The following GPR176 variants were observed in gnomAD, a reference collection of about 807,000 sequenced individuals.
GPR176 encodes G protein-coupled receptor 176.
A neutral mutation model predicts 35.4 loss-of-function variants in GPR176; 26 were observed. The observed-to-expected ratio is 0.74, with a 90% confidence interval of 0.54 to 1.02. The LOEUF (loss-of-function observed/expected upper bound fraction) is 1.02. Ranked by LOEUF, GPR176 falls within the 50% of genes least tolerant of loss-of-function variation. The pLI is 0.00. For synonymous variants in GPR176, 278 were observed against 271.3 expected, an observed-to-expected ratio of 1.02 and a Z score of -0.24; for missense variants, 597 against 665.3, an observed-to-expected ratio of 0.90 and a Z score of 1.13.
chr15:39,915,379 C>G (rs936259556), intron 1 of GPR176, among the ~76,000 whole-genome samples: 18 of 152,182 alleles, frequency 1.2e-4, no homozygotes, highest in Non-Finnish European at 2.1e-4. Context: ...ACTCTATCCT[C>G]ATGACCTCAT....
At chr15:39,807,393 A>C (rs1196102410) in intron 1 of GPR176, 135 bp from the exon 2 acceptor site, 2 of 723,512 alleles carry the variant, frequency 2.8e-6, no homozygotes, top group African/African-American at 3.6e-5. Flanking sequence ...AAATCCTAAT[A>C]TTAAAATTTA....
At chr15:39,917,169 GC>G (rs1159644606) in intron 1 of GPR176, among the ~76,000 whole-genome samples, 1 of 151,866 alleles carries the variant, frequency 6.6e-6, no homozygotes, top group Admixed American at 6.6e-5. Flanking sequence ...TGTAATCCCA[GC>G]TACTTGGGAG....
At chr15:39,911,038 AAAAATAAAATAAAT>A (rs2033564001) in intron 1 of GPR176, among the ~76,000 whole-genome samples, 1 of 151,706 alleles carries the variant, frequency 6.6e-6, no homozygotes. Flanking sequence ...TCTGTATCAA[AAAAATAAAATAAAT>A]AAAATAAAAT....
At chr15:39,849,242 T>C (rs1379235765) in intron 1 of GPR176, among the ~76,000 whole-genome samples, 1 of 152,152 alleles carries the variant, frequency 6.6e-6, no homozygotes, top group Non-Finnish European at 1.5e-5. Context: ...GCTCACTCAA[T>C]ATGAAACAGA....
At chr15:39,825,988 G>A (rs543896318) in intron 1 of GPR176, among the ~76,000 whole-genome samples, 1 of 152,294 alleles carries the variant, frequency 6.6e-6, no homozygotes, top group Admixed American at 6.5e-5. Context: ...AGGTCTAAGT[G>A]AGTCAAGCAG....
At chr15:39,839,668 A>C (rs1204299644) in intron 1 of GPR176, among the ~76,000 whole-genome samples, 2 of 152,222 alleles carry the variant, frequency 1.3e-5, no homozygotes, top group East Asian at 3.8e-4. Flanking sequence ...CAGCAAAAGA[A>C]ACCACCATCA....
At chr15:39,836,914 A>G (rs1394124472) in intron 1 of GPR176, among the ~76,000 whole-genome samples, 31 of 152,166 alleles carry the variant, frequency 2.0e-4, no homozygotes, top group Non-Finnish European at 1.3e-4. Context: ...ATTCAACTAC[A>G]TCAATGTGTT....
intron 1 of GPR176, chr15:39,829,240 T>C: frequency 6.8e-7 from 1 of 1,479,364 alleles, no homozygotes; most frequent in Non-Finnish European, 8.9e-7. Flanking sequence ...CAAAGATGTG[T>C]CGCTGGAAAA....
intron 1 of GPR176, among the ~76,000 whole-genome samples, chr15:39,837,284 G>C (rs971357861): frequency 6.6e-6 from 1 of 152,090 alleles, no homozygotes; most frequent in Non-Finnish European, 1.5e-5. Flanking sequence ...ATAAGTGCCT[G>C]ACCAGCAGTC....
At chr15:39,804,707 A>G (rs1899086792) in intron 2 of GPR176, among the ~76,000 whole-genome samples, 1 of 152,208 alleles carries the variant, frequency 6.6e-6, no homozygotes, top group Non-Finnish European at 1.5e-5. Context: ...CAACTAGTAA[A>G]TGGAGAAACA....
At chr15:39,869,327 G>C (rs2031958395) in intron 1 of GPR176, among the ~76,000 whole-genome samples, 1 of 152,116 alleles carries the variant, frequency 6.6e-6, no homozygotes, top group African/African-American at 2.4e-5. Context: ...TTAAAAGAAG[G>C]CAGAGATTCT....
chr15:39,803,271 CTTTTTTTTT>C (rs769645892), intron 2 of GPR176, among the ~76,000 whole-genome samples: 10 of 85,576 alleles, frequency 1.2e-4, no homozygotes, highest in Admixed American at 3.0e-4. Flanking sequence ...ACAAGTACTT[CTTTTTTTTT>C]TTTTTTTTTT....
At chr15:39,806,391 T>G (rs1000821081) in intron 2 of GPR176, among the ~76,000 whole-genome samples, 4 of 152,242 alleles carry the variant, frequency 2.6e-5, no homozygotes, top group Non-Finnish European at 5.9e-5. Flanking sequence ...TTATGAGATC[T>G]TTATGCAACT....
intron 1 of GPR176, among the ~76,000 whole-genome samples, chr15:39,867,007 C>T (rs557171114): frequency 6.6e-6 from 1 of 152,162 alleles, no homozygotes; most frequent in East Asian, 1.9e-4. Flanking sequence ...TGTGGGCAGG[C>T]ATCCAGAGAG....
intron 1 of GPR176, among the ~76,000 whole-genome samples, chr15:39,919,136 T>C (rs1324633119): frequency 6.6e-6 from 1 of 152,250 alleles, no homozygotes; most frequent in Non-Finnish European, 1.5e-5. Context: ...AGTAGGCTAA[T>C]ATTTTACTAG....
intron 1 of GPR176, among the ~76,000 whole-genome samples, chr15:39,825,569 T>C (rs750630470): frequency 6.6e-6 from 1 of 152,192 alleles, no homozygotes; most frequent in Non-Finnish European, 1.5e-5. Context: ...AGTGTGAATA[T>C]ATTACAATTT....
At chr15:39,877,734 T>C (rs2032307282) in intron 1 of GPR176, among the ~76,000 whole-genome samples, 1 of 151,992 alleles carries the variant, frequency 6.6e-6, no homozygotes, top group African/African-American at 2.4e-5. Flanking sequence ...CTAATTTTTG[T>C]ATTTTTTGGC....
intron 1 of GPR176, among the ~76,000 whole-genome samples, chr15:39,837,903 C>T (rs1901500568): frequency 1.3e-5 from 2 of 150,970 alleles, no homozygotes; most frequent in Admixed American, 6.6e-5. Flanking sequence ...TCTGTAATCC[C>T]AGCACTTGGG....
intron 1 of GPR176, among the ~76,000 whole-genome samples, chr15:39,913,564 G>GA (rs1377271856): frequency 6.6e-6 from 1 of 151,302 alleles, no homozygotes; most frequent in Non-Finnish European, 1.5e-5. Flanking sequence ...AAAGAAAAAA[G>GA]AAAGAAAGAA....
Sources: gnomAD v4.1 joint callset for allele counts (sites outside exome capture counted in the v4.1 genomes callset) on GRCh38, gnomAD v4.1.1 for gene constraint, MANE v1.5 for transcripts, NCBI Gene and HGNC (gene_info 2026-07-23, HGNC 2026-07-21) for gene names.